Variants in TAFA4 observed in about 807,000 individuals in gnomAD.
The protein encoded by TAFA4 is TAFA chemokine like family member 4, also known as chemokine-like protein TAFA-4.
In TAFA4, 20 loss-of-function variants were observed where a neutral mutation model predicts 21.1. The observed-to-expected ratio is 0.95, with a 90% CI of 0.67 to 1.38. The LOEUF is 1.38. Ranked by LOEUF, TAFA4 falls within the 40% of genes most tolerant of loss-of-function variation. TAFA4 has a pLI of 0.00. For synonymous variants in TAFA4, 71 were observed against 67.4 expected, an observed-to-expected ratio of 1.05 and a Z score of -0.26; for missense variants, 211 against 180.9, an observed-to-expected ratio of 1.17 and a Z score of -0.95.
chr3:68,913,012 T>A (rs950982202), intron 1 of TAFA4, among the ~76,000 whole-genome samples: 5 of 152,172 alleles, frequency 3.3e-5, no homozygotes, highest in African/African-American at 1.2e-4. Flanking sequence ...CCCAACTGGG[T>A]TATACTATTA....
chr3:68,885,785 G>C (rs953825553), intron 1 of TAFA4, among the ~76,000 whole-genome samples: 3 of 152,118 alleles, frequency 2.0e-5, no homozygotes, highest in Non-Finnish European at 4.4e-5. Context: ...CAATCTATGA[G>C]GTTGCTTTTT....
At chr3:68,815,587 A>G (rs1206011699) in intron 3 of TAFA4, among the ~76,000 whole-genome samples, 3 of 152,248 alleles carry the variant, frequency 2.0e-5, no homozygotes, top group Admixed American at 1.3e-4. Flanking sequence ...TGGCCATCGG[A>G]GAAATGCAAA....
At chr3:68,907,220 T>A (rs1575667715) in intron 1 of TAFA4, among the ~76,000 whole-genome samples, 1 of 152,116 alleles carries the variant, frequency 6.6e-6, no homozygotes, top group Non-Finnish European at 1.5e-5. Context: ...TCTCTGCTAA[T>A]ATCCAAAGTA....
chr3:68,910,528 G>A (rs932604184), intron 1 of TAFA4, among the ~76,000 whole-genome samples: 8 of 152,132 alleles, frequency 5.3e-5, no homozygotes, highest in Admixed American at 2.6e-4. Flanking sequence ...AAAGAGAAGC[G>A]AGCCAACCCT....
At chr3:68,802,863 C>T (rs576404534) in intron 3 of TAFA4, among the ~76,000 whole-genome samples, 2 of 152,294 alleles carry the variant, frequency 1.3e-5, no homozygotes, top group Admixed American at 1.3e-4. Context: ...GGAAGTTGGC[C>T]TTTCAATTAA....
chr3:68,828,922 G>A (rs1035576451), intron 3 of TAFA4, among the ~76,000 whole-genome samples: 3 of 152,136 alleles, frequency 2.0e-5, no homozygotes, highest in Non-Finnish European at 4.4e-5. Context: ...ATGTTGACTA[G>A]GAGTGGTGAG....
intron 3 of TAFA4, among the ~76,000 whole-genome samples, chr3:68,807,176 T>G (rs1014338515): frequency 2.6e-5 from 4 of 152,218 alleles, no homozygotes; most frequent in African/African-American, 9.6e-5. Flanking sequence ...TTGAATCATG[T>G]GCCTGAAATT....
chr3:68,844,169 C>T (rs1427959805), intron 3 of TAFA4, among the ~76,000 whole-genome samples: 1 of 152,140 alleles, frequency 6.6e-6, no homozygotes, highest in African/African-American at 2.4e-5. Context: ...GGTTGGTAGG[C>T]TATTAATTCC....
chr3:68,741,843 TC>T (rs1380632585), intron 4 of TAFA4, among the ~76,000 whole-genome samples: 1 of 151,370 alleles, frequency 6.6e-6, no homozygotes, highest in African/African-American at 2.5e-5. Flanking sequence ...TTCCAAAGAA[TC>T]GAAGAAGAGA....
chr3:68,931,331 G>A (rs1462224450), intron 1 of TAFA4, among the ~76,000 whole-genome samples: 1 of 152,138 alleles, frequency 6.6e-6, no homozygotes, highest in African/African-American at 2.4e-5. Flanking sequence ...CGGCGAGTCC[G>A]TGAACCCGTG....
At chr3:68,764,447 A>G (rs1702810790) in intron 3 of TAFA4, among the ~76,000 whole-genome samples, 1 of 152,208 alleles carries the variant, frequency 6.6e-6, no homozygotes, top group African/African-American at 2.4e-5. Flanking sequence ...CCCACTGACT[A>G]ATACACTGTC....
At chr3:68,781,097 A>G (rs572062380) in intron 3 of TAFA4, among the ~76,000 whole-genome samples, 1 of 152,222 alleles carries the variant, frequency 6.6e-6, no homozygotes, top group African/African-American at 2.4e-5. Context: ...TAATACAATG[A>G]AAATAAAAAT....
In TAFA4 at chr3:68,753,034, G is replaced by A. The variant is rs377215380; in HGVS notation, c.131-16C>T. 60 of 1,609,114 alleles carry A rather than the reference G, an allele frequency of 3.7e-5. No individual in the cohort carries two copies. Among genetic ancestry groups the A allele is most frequent in the Non-Finnish European group, 4.7e-5 (55 of 1,176,788 alleles). On this transcript the variant is annotated splice_polypyrimidine_tract_variant and intron_variant, in intron 3 of 5. Coordinates refer to ENST00000295569, the MANE Select transcript of TAFA4 (RefSeq NM_182522.5). ...TGGTGGTGACCTAGTTGGTAATGGG[G>A]GAGAAAAACAAACCCAGTGCTGTTA...
At chr3:68,866,664 A>AAAAAC (rs2089423478) in intron 3 of TAFA4, among the ~76,000 whole-genome samples, 1 of 147,804 alleles carries the variant, frequency 6.8e-6, no homozygotes, top group African/African-American at 2.5e-5. Flanking sequence ...AAAAAAAAAA[A>AAAAAC]AAAAAAAAAA....
At chr3:68,740,913 C>T (rs1186457188) in intron 4 of TAFA4, among the ~76,000 whole-genome samples, 1 of 152,148 alleles carries the variant, frequency 6.6e-6, no homozygotes, top group Admixed American at 6.5e-5. Flanking sequence ...ATCCTTTCCC[C>T]ATTGTGTAGT....
chr3:68,838,588 A>G (rs1004382495), intron 3 of TAFA4, among the ~76,000 whole-genome samples: 1 of 152,220 alleles, frequency 6.6e-6, no homozygotes, highest in Admixed American at 6.5e-5. Flanking sequence ...AGGGCCAGAC[A>G]GTAAATATTT....
At chr3:68,882,007 C>T (rs1030165228) in intron 2 of TAFA4, among the ~76,000 whole-genome samples, 7 of 152,140 alleles carry the variant, frequency 4.6e-5, no homozygotes, top group Admixed American at 3.9e-4. Flanking sequence ...CTCACAATTC[C>T]GTCAAATAGA....
intron 5 of TAFA4, among the ~76,000 whole-genome samples, chr3:68,735,641 A>T (rs1702228903): frequency 1.3e-5 from 2 of 152,102 alleles, no homozygotes; most frequent in South Asian, 4.1e-4. Context: ...CAGGCAGATT[A>T]GAGAGCCATT....
At chr3:68,841,727 T>G (rs1379196933) in intron 3 of TAFA4, among the ~76,000 whole-genome samples, 4 of 151,950 alleles carry the variant, frequency 2.6e-5, no homozygotes, top group African/African-American at 9.7e-5. Context: ...CCCTTGTGTG[T>G]GATGTTCCCC....
Sources: gnomAD v4.1 joint callset for allele counts (sites outside exome capture counted in the v4.1 genomes callset) on GRCh38, gnomAD v4.1.1 for gene constraint, MANE v1.5 for transcripts, NCBI Gene and HGNC (gene_info 2026-07-23, HGNC 2026-07-21) for gene names.